NPHP4: variants seen among roughly 807,000 people sequenced by gnomAD.
NPHP4 encodes the protein nephrocystin 4.
In NPHP4, 151 loss-of-function variants were observed where a neutral mutation model predicts 155.8. The observed-to-expected ratio is 0.97, with a 90% CI of 0.85 to 1.11. The LOEUF is 1.11. Ranked by LOEUF, NPHP4 falls within the 50% of genes least tolerant of loss-of-function variation. The pLI is 0.00. For synonymous variants in NPHP4, 845 were observed against 816.8 expected, an observed-to-expected ratio of 1.03 and a Z score of -0.59; for missense variants, 1,956 against 1,925.7, an observed-to-expected ratio of 1.02 and a Z score of -0.29.
At chr1:5,929,350 T>C (rs1646164170) in intron 10 of NPHP4, among the ~76,000 whole-genome samples, 1 of 152,220 alleles carries the variant, frequency 6.6e-6, no homozygotes, top group South Asian at 2.1e-4. Context: ...CGTTGAATGC[T>C]AACAGTGGAC....
At chr1:5,919,007 A>G (rs1016108988) in intron 11 of NPHP4, among the ~76,000 whole-genome samples, 21 of 152,230 alleles carry the variant, frequency 1.4e-4, no homozygotes, top group African/African-American at 4.3e-4. Context: ...TCTGCAAACT[A>G]TGGTCCACAG....
In NPHP4 at chr1:5,882,128, C is replaced by T. The variant is rs944304945; in HGVS notation, c.2486-1889G>A. On this transcript the variant is annotated intron_variant, in intron 18 of 29. Coordinates refer to ENST00000378156, the MANE Select transcript of NPHP4 (RefSeq NM_015102.5). This position sits in a 1 kb window ranked among gnomAD's most constrained non-coding sequence, Gnocchi z 5.1. ...AGGATGGGAAGGCTGGCTGCCTCCT[C>T]CCACGCCCTAGGTGGCAACCAGAAA... The T allele has an allele frequency of 6.6e-6, 1 of 152,286 alleles. No homozygotes were observed. The highest frequency in any genetic ancestry group is 2.4e-5 in the African/African-American group (1 of 41,416). 9.4% of individuals were successfully genotyped at this position (152,286 alleles called of 1,614,324 possible).
rs767188589 is a variant in NPHP4 at position 5,910,699 on chromosome 1, T to C, written c.1442-1486A>G. 9.2e-5 allele frequency among the ~76,000 whole-genome samples: 14 copies of C among 152,200 alleles called. No homozygotes were observed. Among genetic ancestry groups the C allele is most frequent in the Non-Finnish European group, 1.8e-4 (12 of 68,042 alleles). Reference sequence around the variant, plus strand: ...AAAACAAAAACAACAAGGAAAATGCTGTCGACCAAGGAGAAACCAAATCCA... The same window carrying C: ...AAAACAAAAACAACAAGGAAAATGCCGTCGACCAAGGAGAAACCAAATCCA... On this transcript the variant is annotated intron_variant, in intron 11 of 29. Coordinates refer to ENST00000378156, the MANE Select transcript of NPHP4 (RefSeq NM_015102.5). This position sits in a 1 kb window ranked among gnomAD's most constrained non-coding sequence, Gnocchi z 5.4.
chr1:5,986,100 GC>G, intron 2 of NPHP4, 54 bp downstream of exon 2: 1 of 1,595,466 alleles, frequency 6.3e-7, no homozygotes, highest in Non-Finnish European at 8.6e-7. Flanking sequence ...TTAACTGGAA[GC>G]CTCATGTCAG....
chr1:5,947,254 G>T, intron 8 of NPHP4, 24 bp from the exon 9 acceptor site: 1 of 1,612,290 alleles, frequency 6.2e-7, no homozygotes, highest in South Asian at 1.1e-5. Context: ...ACAAACCAGG[G>T]ACACATTAGA....
chr1:5,866,491 A>T, intron 25 of NPHP4, 33 bp from the exon 26 acceptor site: 3 of 1,346,304 alleles, frequency 2.2e-6, no homozygotes, highest in Non-Finnish European at 3.2e-6. Context: ...ATCAGGGCAC[A>T]CAGTGCTCTG....
intron 16 of NPHP4, among the ~76,000 whole-genome samples, chr1:5,904,255 A>C (rs556215023): frequency 2.6e-5 from 4 of 152,252 alleles, no homozygotes; most frequent in African/African-American, 9.6e-5. Flanking sequence ...GCAAAATTTT[A>C]ACATTGGCTA....
At chr1:5,894,163 C>A (rs757482676) in intron 16 of NPHP4, among the ~76,000 whole-genome samples, 27 of 152,140 alleles carry the variant, frequency 1.8e-4, no homozygotes, top group Non-Finnish European at 3.1e-4. Context: ...GTTGGCTTGC[C>A]ACCCACAGGC....
chr1:5,947,207 A>C lies in NPHP4; in HGVS notation c.1016T>G (p.Leu339Trp). 1 of 1,613,862 alleles carries C rather than the reference A, an allele frequency of 6.2e-7. No individual in the cohort carries two copies. Among genetic ancestry groups the C allele is most frequent in the Non-Finnish European group, 8.5e-7 (1 of 1,179,826 alleles). ...KTSSGSQALV[L>W]RSRLRLPEMV... ...CTCTGGGAGGCGGAGGCGGCTTCTC[A>C]AAACCAGAGCTTGGCTCCCGGAGCT... The change falls in exon 9 of 30, where the codon TTG becomes TGG. Residue 339 changes from leucine (L) to tryptophan (W), a missense_variant. Physicochemically the swap from Leu to Trp is moderately conservative, Grantham distance 61. Transcript: ENST00000378156.
Position 5,905,468 on chromosome 1 carries a change from G to A in NPHP4, c.1779C>T (p.Pro593=). 2 of 1,604,856 alleles carry A rather than the reference G, an allele frequency of 1.2e-6. No individual in the cohort carries two copies. The highest frequency in any genetic ancestry group is 1.7e-6 in the Non-Finnish European group (2 of 1,172,650). The change falls in exon 15 of 30, where the codon CCC becomes CCT. Residue 593 remains proline (P), a synonymous_variant. Transcript: ENST00000378156. This position sits in a 1 kb window ranked among gnomAD's most constrained non-coding sequence, Gnocchi z 4.0. ...GTQTRSSAGQ[P]SRASMVLLQS... is the part of the protein sequence containing the mutation. Reference sequence around the variant, plus strand: ...GCAGGAGCACCATGGAGGCTCTCGAGGGCTGCCCTGCAGAGCTGAGACACA... The same window carrying A: ...GCAGGAGCACCATGGAGGCTCTCGAAGGCTGCCCTGCAGAGCTGAGACACA...
intron 11 of NPHP4, among the ~76,000 whole-genome samples, chr1:5,916,550 C>T (rs1000527163): frequency 6.6e-6 from 1 of 152,178 alleles, no homozygotes; most frequent in African/African-American, 2.4e-5. Context: ...TTGCTGGTCC[C>T]CAAACAGTGA....
In NPHP4 at chr1:5,865,241, C is replaced by T; in HGVS notation, c.3677G>A (p.Trp1226Ter). ...CTGCAGGGAGTGGAGGTAGACCTGCCACGTCTGTGTGGGTGTCGCCAGCCA... is the reference window on the plus strand; with the variant it reads ...CTGCAGGGAGTGGAGGTAGACCTGCTACGTCTGTGTGGGTGTCGCCAGCCA... Reference protein sequence around the residue: ...DRWLATPTQTWQVYLHSLQRV... With the variant: ...DRWLATPTQT The change falls in exon 27 of 30, where the codon TGG becomes TAG. Residue 1226 changes from tryptophan to a stop codon, truncating the protein, a stop_gained. Coordinates refer to ENST00000378156, the MANE Select transcript of NPHP4 (RefSeq NM_015102.5). LOFTEE classifies it high-confidence loss of function. 2 of 1,587,794 alleles carry T rather than the reference C, an allele frequency of 1.3e-6. No individual in the cohort carries two copies. The highest frequency in any genetic ancestry group is 1.7e-6 in the Non-Finnish European group (2 of 1,161,864).
At chr1:5,925,486 C>T (rs779891012) in intron 11 of NPHP4, among the ~76,000 whole-genome samples, 5 of 152,044 alleles carry the variant, frequency 3.3e-5, no homozygotes, top group Non-Finnish European at 5.9e-5. Flanking sequence ...CTAAGGTCCT[C>T]CGTTTTTCAT....
rs536193737 is a variant in NPHP4 at position 5,868,711 on chromosome 1, A to C, written c.3316-815T>G. 5.8e-3 allele frequency among the ~76,000 whole-genome samples: 499 copies of C among 86,344 alleles called. 1 individual carries two copies. The highest frequency in any genetic ancestry group is 9.3e-3 in the African/African-American group (249 of 26,866). 56.6% of individuals were successfully genotyped at this position (86,344 alleles called of 152,430 possible). A position where few individuals can be genotyped will look rare whatever the true frequency, so the allele number is the denominator to read the frequency against. ...ACACATATACATGCACGCATGCCCC[A>C]CACACACACATGCACGCCCACATGC... On this transcript the variant is annotated intron_variant, in intron 23 of 29. Transcript: ENST00000378156.
chr1:5,956,773 C>T (rs1649325581), intron 6 of NPHP4, among the ~76,000 whole-genome samples: 1 of 152,210 alleles, frequency 6.6e-6, no homozygotes, highest in South Asian at 2.1e-4. Flanking sequence ...TAAGACACAA[C>T]TTTCATGATG....
At chr1:5,884,350 T>C (rs1643581377) in intron 18 of NPHP4, among the ~76,000 whole-genome samples, 1 of 152,096 alleles carries the variant, frequency 6.6e-6, no homozygotes, top group Admixed American at 6.5e-5. Flanking sequence ...CACAGACGCT[T>C]AGCCTGTGGG....
chr1:5,896,979 G>C (rs372082658), intron 16 of NPHP4, among the ~76,000 whole-genome samples: 1 of 152,144 alleles, frequency 6.6e-6, no homozygotes, highest in Non-Finnish European at 1.5e-5. Flanking sequence ...AAAACAGCCG[G>C]ACACCTAACA....
intron 9 of NPHP4, among the ~76,000 whole-genome samples, chr1:5,934,036 G>C (rs573519542): frequency 6.6e-6 from 1 of 152,296 alleles, no homozygotes; most frequent in Non-Finnish European, 1.5e-5. Flanking sequence ...GCTTGACTGA[G>C]TAAAGAGTTT....
At chr1:5,976,471 G>A (rs1038367799) in intron 3 of NPHP4, among the ~76,000 whole-genome samples, 1 of 152,196 alleles carries the variant, frequency 6.6e-6, no homozygotes, top group Non-Finnish European at 1.5e-5. Flanking sequence ...CCCAGCAGTT[G>A]GTCTGGCATT....
Sources: allele counts gnomAD v4.1 joint callset (sites outside exome capture counted in the v4.1 genomes callset), GRCh38; gene constraint gnomAD v4.1.1; non-coding constraint Gnocchi (gnomAD v3.1); transcripts MANE v1.5; gene names NCBI Gene and HGNC (gene_info 2026-07-23, HGNC 2026-07-21).